The following ALMS1 variants were observed in gnomAD, a reference collection of about 807,000 sequenced individuals.
ALMS1 encodes the protein ALMS1 centrosome and basal body associated protein, also known as centrosome-associated protein ALMS1.
ALMS1 carries 271 observed loss-of-function variants against 352.2 expected under a neutral mutation model. The observed-to-expected ratio is 0.77, with a 90% confidence interval of 0.70 to 0.85. The LOEUF is 0.85. Among genes scored for constraint, ALMS1 ranks in the 40% least tolerant of loss-of-function variants. The probability of loss-of-function intolerance (pLI) is 0.00; values close to 1 mark genes in which losing one functional copy is unlikely to be tolerated. For missense variants in ALMS1, 5,445 were observed against 4,870.7 expected (o/e 1.12, Z -3.51); for synonymous variants, 1,865 against 1,761.2 (o/e 1.06, Z -1.48).
intron 9 of ALMS1, among the ~76,000 whole-genome samples, chr2:73,464,660 C>G (rs1672289154): frequency 6.6e-6 from 1 of 152,078 alleles, no homozygotes; most frequent in African/African-American, 2.4e-5. Context: ...CAAATTGTCC[C>G]TGTTTGCAGA....
chr2:73,602,053 C>T (rs1404119672), intron 19 of ALMS1, 132 bp from the exon 20 acceptor site: 2 of 947,118 alleles, frequency 2.1e-6, no homozygotes, highest in Non-Finnish European at 3.3e-6. Context: ...TTCTTCAACG[C>T]TAGATACTTT....
At chr2:73,396,835 G>C (rs748577401) in intron 1 of ALMS1, among the ~76,000 whole-genome samples, 1 of 151,768 alleles carries the variant, frequency 6.6e-6, no homozygotes, top group African/African-American at 2.4e-5. Context: ...TAGTAGAGAC[G>C]GGGTTTAACC....
chr2:73,609,657 C>T lies in ALMS1; in HGVS notation c.*45C>T. On this transcript the variant is annotated 3_prime_UTR_variant, in exon 23 of 23. Transcript: ENST00000613296. ...GAGCCTTGGAATTCTATTTTATGAA[C>T]CTAGAGAAGCAGAATCCTTACTTTT... 6.4e-7 allele frequency: 1 copy of T among 1,571,168 alleles called. No homozygotes were observed.
At chr2:73,471,481 C>A (rs1350645989) in intron 9 of ALMS1, among the ~76,000 whole-genome samples, 3 of 90,080 alleles carry the variant, frequency 3.3e-5, no homozygotes, top group Admixed American at 1.5e-4. Flanking sequence ...GGAACACCTG[C>A]AACTCAACAG....
chr2:73,489,585 A>G (rs751339897), intron 9 of ALMS1, 49 bp from the exon 10 acceptor site: 2 of 1,603,916 alleles, frequency 1.2e-6, no homozygotes, highest in East Asian at 2.2e-5. Context: ...ATTTGTTTAT[A>G]ACTACTTGGA....
chr2:73,511,235 G>C (rs1673445177), intron 10 of ALMS1, among the ~76,000 whole-genome samples: 3 of 151,970 alleles, frequency 2.0e-5, no homozygotes, highest in Non-Finnish European at 4.4e-5. Flanking sequence ...ACTGGAGTAT[G>C]AAAAGAAAAC....
chr2:73,428,862 T>A (rs1225268034), intron 6 of ALMS1, among the ~76,000 whole-genome samples: 1 of 152,246 alleles, frequency 6.6e-6, no homozygotes, highest in African/African-American at 2.4e-5. Flanking sequence ...TTTTTCCTTA[T>A]GCTCCTCATC....
At chr2:73,522,563 G>A (rs1447022605) in intron 11 of ALMS1, among the ~76,000 whole-genome samples, 7 of 149,526 alleles carry the variant, frequency 4.7e-5, no homozygotes, top group Admixed American at 3.4e-4. Flanking sequence ...TGCATCTTCC[G>A]GGTTCAAGGA....
At chr2:73,536,466 C>T (rs1367630758) in intron 12 of ALMS1, among the ~76,000 whole-genome samples, 1 of 151,826 alleles carries the variant, frequency 6.6e-6, no homozygotes, top group Non-Finnish European at 1.5e-5. Context: ...GATCTAGTTG[C>T]CATACACACT....
chr2:73,603,489 C>T (rs1675746525), intron 21 of ALMS1, 185 bp downstream of exon 21: 5 of 608,678 alleles, frequency 8.2e-6, no homozygotes, highest in Admixed American at 2.9e-5. Flanking sequence ...ATGAATGACT[C>T]ATATGCAAAA....
At chr2:73,438,163 A>G (rs1015732228) in intron 7 of ALMS1, among the ~76,000 whole-genome samples, 2 of 152,104 alleles carry the variant, frequency 1.3e-5, no homozygotes, top group Non-Finnish European at 2.9e-5. Flanking sequence ...TCCCTCCCTC[A>G]TCAATAGGGT....
chr2:73,391,964 G>A (rs1670655572), intron 1 of ALMS1, among the ~76,000 whole-genome samples: 1 of 152,030 alleles, frequency 6.6e-6, no homozygotes, highest in Admixed American at 6.6e-5. Context: ...GTTTTCCTAG[G>A]AAATCATTCT....
rs10178678 is a variant in ALMS1 at position 73,535,109 on chromosome 2, A to G, written c.9907+160A>G. Among the ~76,000 whole-genome samples, 45,850 of 152,066 alleles carry G rather than the reference A, an allele frequency of 0.3. 8,483 individuals carry two copies. The highest frequency in any genetic ancestry group is 0.53 in the African/African-American group (21,825 of 41,480). On this transcript the variant is annotated intron_variant, in intron 12 of 22. Transcript: ENST00000613296. ...CTGGTTCAGATAGGTGAGTTATTTG[A>G]TCAGATATATACACATAAGCATTTA...
In ALMS1 at chr2:73,449,303, C is replaced by T; in HGVS notation, c.2776C>T (p.Leu926Phe). The change falls in exon 8 of 23, where the codon CTT becomes TTT. Residue 926 changes from leucine to phenylalanine, a missense_variant. Coordinates refer to ENST00000613296, the MANE Select transcript of ALMS1 (RefSeq NM_001378454.1). ...TTCCCAGCAGACCCTGCCAGACTTTCTTTTCCCTGAAGAAGCTCTGAAGGT... is the reference window on the plus strand; with the variant it reads ...TTCCCAGCAGACCCTGCCAGACTTTTTTTTCCCTGAAGAAGCTCTGAAGGT... ...IFSQQTLPDF[L>F]FPEEALKVSA... 6.2e-7 allele frequency: 1 copy of T among 1,614,052 alleles called. No individual in the cohort carries two copies. The highest frequency in any genetic ancestry group is 1.1e-5 in the South Asian group (1 of 91,080).
intron 7 of ALMS1, among the ~76,000 whole-genome samples, chr2:73,446,888 G>A (rs1206747669): frequency 1.3e-5 from 2 of 152,090 alleles, no homozygotes; most frequent in African/African-American, 4.8e-5. Context: ...GAGAAGCACT[G>A]TTACATGGTC....
rs563393715 is a variant in ALMS1, at chr2:73,491,497, C to G, written c.9538C>G (p.Arg3180Gly). 176 of 1,613,768 alleles carry G rather than the reference C, an allele frequency of 1.1e-4. 3 individuals are homozygous for G. The South Asian group carries it at 1.7e-3, about 16-fold the overall frequency. Residue 3180 changes from arginine (R) to glycine (G), a missense_variant and splice_region_variant, in exon 10 of 23, where the codon CGA (arginine) becomes GGA (glycine). Coordinates refer to ENST00000613296, the MANE Select transcript of ALMS1 (RefSeq NM_001378454.1). The part of the protein sequence containing the change: ...NPEGTPVFAD[R>G]LPEKMKTPLS... ...AGAGGGGACCCCAGTATTTGCAGAT[C>G]GGTGAGTCTCATTGTGATAACAAGC...
intron 11 of ALMS1, among the ~76,000 whole-genome samples, chr2:73,521,002 A>G (rs749253958): frequency 9.2e-5 from 14 of 152,162 alleles, no homozygotes; most frequent in Non-Finnish European, 2.1e-4. Flanking sequence ...TTGTCCACCT[A>G]CACACGTAGA....
At chr2:73,424,348 C>A in intron 4 of ALMS1, 82 bp from the exon 5 acceptor site, 1 of 865,834 alleles carries the variant, frequency 1.2e-6, no homozygotes, top group Non-Finnish European at 1.7e-6. Flanking sequence ...ATTTCAGTGA[C>A]ATATGTATTT....
chr2:73,534,990 T>G, intron 12 of ALMS1, 41 bp downstream of exon 12: 1 of 1,611,252 alleles, frequency 6.2e-7, no homozygotes, highest in Non-Finnish European at 8.5e-7. Flanking sequence ...TGTTTGATAT[T>G]TTATTTGTGT....
Sources: allele counts gnomAD v4.1 joint callset (sites outside exome capture counted in the v4.1 genomes callset), GRCh38; gene constraint gnomAD v4.1.1; transcripts MANE v1.5; gene names NCBI Gene and HGNC (gene_info 2026-07-23, HGNC 2026-07-21).